ESRRG: variants seen among roughly 807,000 people sequenced by gnomAD.
ESRRG encodes the protein estrogen-related receptor gamma.
A neutral mutation model predicts 44.0 loss-of-function variants in ESRRG; 13 were observed. The ratio of observed to expected loss-of-function variants is 0.30; its 90% CI spans 0.19 to 0.47. The LOEUF is 0.47. ESRRG is among the 20% of genes least tolerant of loss of function. The pLI is 1.00. For missense variants in ESRRG, 395 were observed against 580.6 expected, an observed-to-expected ratio of 0.68 and a Z score of 3.29; for synonymous variants, 215 against 214.6, an observed-to-expected ratio of 1.00 and a Z score of -0.02.
At chr1:216,650,143 A>T (rs1487525713) in intron 3 of ESRRG, among the ~76,000 whole-genome samples, 1 of 152,154 alleles carries the variant, frequency 6.6e-6, no homozygotes, top group African/African-American at 2.4e-5. Context: ...GAATTTTCTG[A>T]AGAAAGGGAA....
At chr1:216,509,562 A>T (rs2042134728) in intron 6 of ESRRG, among the ~76,000 whole-genome samples, 1 of 152,100 alleles carries the variant, frequency 6.6e-6, no homozygotes, top group African/African-American at 2.4e-5. Context: ...CCAGCAGGAG[A>T]TATATTATAG....
chr1:216,771,078 G>T (rs1476923108), intron 2 of ESRRG, among the ~76,000 whole-genome samples: 1 of 152,038 alleles, frequency 6.6e-6, no homozygotes, highest in African/African-American at 2.4e-5. Context: ...GGGCTCAAGG[G>T]ATCCTCCTGC....
At chr1:217,011,623 G>T (rs2377357) in intron 1 of ESRRG, among the ~76,000 whole-genome samples, 7 of 36,554 alleles carry the variant, frequency 1.9e-4, no homozygotes, top group Non-Finnish European at 1.7e-4. Context: ...AACTAGCCTG[G>T]GATTGCTTTG....
intron 1 of ESRRG, among the ~76,000 whole-genome samples, chr1:216,692,359 C>T (rs2079218428): frequency 6.8e-6 from 1 of 146,154 alleles, no homozygotes; most frequent in South Asian, 2.2e-4. Flanking sequence ...TAGATTTTAA[C>T]AAAAGAGTTT....
chr1:216,575,390 A>T (rs574357856), intron 3 of ESRRG, among the ~76,000 whole-genome samples: 12 of 152,220 alleles, frequency 7.9e-5, no homozygotes, highest in African/African-American at 2.6e-4. Flanking sequence ...TCTTTAACTC[A>T]TCATACCTAC....
At chr1:216,964,747 G>GAA (rs141865798) in intron 1 of ESRRG, among the ~76,000 whole-genome samples, 26 of 147,714 alleles carry the variant, frequency 1.8e-4, no homozygotes, top group African/African-American at 4.7e-4. Flanking sequence ...AGAAGAGAAG[G>GAA]AAAAAAAAAA....
intron 2 of ESRRG, among the ~76,000 whole-genome samples, chr1:216,939,364 A>AAAAAAAAAAAAAAAAAAC (rs1553720877): frequency 2.6e-4 from 35 of 133,778 alleles, no homozygotes; most frequent in Middle Eastern, 3.9e-3. Context: ...AAAAAAAAAA[A>AAAAAAAAAAAAAAAAAAC]AAAAAACACT....
chr1:216,689,103 T>C (rs748527672), intron 1 of ESRRG, among the ~76,000 whole-genome samples: 24 of 152,168 alleles, frequency 1.6e-4, no homozygotes, highest in Non-Finnish European at 3.1e-4. Flanking sequence ...AACTATAAAA[T>C]TAGAAAGTGC....
chr1:217,073,248 T>G (rs2090837590), intron 1 of ESRRG, among the ~76,000 whole-genome samples: 1 of 147,366 alleles, frequency 6.8e-6, no homozygotes, highest in Non-Finnish European at 1.5e-5. Context: ...AAGAATGTAT[T>G]GCTTTCTACA....
chr1:217,034,477 G>T (rs1444678526), intron 1 of ESRRG, among the ~76,000 whole-genome samples: 1 of 152,106 alleles, frequency 6.6e-6, no homozygotes, highest in African/African-American at 2.4e-5. Context: ...GGATAGGCCC[G>T]GAGGATTTTC....
At chr1:216,851,246 C>T (rs2095838591) in intron 2 of ESRRG, among the ~76,000 whole-genome samples, 1 of 152,050 alleles carries the variant, frequency 6.6e-6, no homozygotes, top group Admixed American at 6.6e-5. Context: ...CCACTCATTA[C>T]TAAAAGCTGT....
intron 2 of ESRRG, among the ~76,000 whole-genome samples, chr1:216,653,446 G>A (rs1002035982): frequency 2.0e-5 from 3 of 152,108 alleles, no homozygotes; most frequent in Non-Finnish European, 4.4e-5. Context: ...TACAAACAGG[G>A]TCTTCTCCCA....
intron 2 of ESRRG, among the ~76,000 whole-genome samples, chr1:216,737,520 A>C (rs956543): frequency 0.69 from 104,357 of 151,954 alleles, 36,877 homozygotes; most frequent in East Asian, 0.83. Flanking sequence ...AGGAGTTTTG[A>C]AGGCTCCCAG....
intron 5 of ESRRG, among the ~76,000 whole-genome samples, chr1:216,535,944 C>T (rs1402709724): frequency 6.6e-6 from 1 of 152,072 alleles, no homozygotes; most frequent in South Asian, 2.1e-4. Flanking sequence ...TGCATCTCAG[C>T]TCTATCATAC....
chr1:216,913,308 G>C (rs2060722930), intron 2 of ESRRG, among the ~76,000 whole-genome samples: 1 of 151,834 alleles, frequency 6.6e-6, no homozygotes, highest in African/African-American at 2.4e-5. Flanking sequence ...GTATATGGGA[G>C]GATGTGCATA....
intron 2 of ESRRG, among the ~76,000 whole-genome samples, chr1:216,909,757 C>T (rs551747383): frequency 3.9e-5 from 6 of 152,086 alleles, no homozygotes; most frequent in African/African-American, 7.2e-5. Flanking sequence ...ATATTAGGCA[C>T]GTAGTAAATG....
chr1:217,075,592 C>CCCA (rs768560202), intron 1 of ESRRG, among the ~76,000 whole-genome samples: 2 of 147,506 alleles, frequency 1.4e-5, no homozygotes, highest in South Asian at 2.3e-4. Context: ...GCTCCTTTCC[C>CCCA]CCCCCCAACA....
chr1:216,604,036 C>T (rs555671690), intron 3 of ESRRG, among the ~76,000 whole-genome samples: 9 of 151,252 alleles, frequency 6.0e-5, no homozygotes, highest in South Asian at 4.2e-4. Flanking sequence ...GAAATGAGGG[C>T]GTGACATTAA....
At chr1:217,082,153 C>T (rs140008077) in intron 1 of ESRRG, among the ~76,000 whole-genome samples, 16 of 152,294 alleles carry the variant, frequency 1.1e-4, no homozygotes, top group African/African-American at 3.1e-4. Context: ...TGCTTCCTCC[C>T]TGAAGTAATA....
Sources: allele counts gnomAD v4.1 joint callset (sites outside exome capture counted in the v4.1 genomes callset), GRCh38; gene constraint gnomAD v4.1.1; transcripts MANE v1.5; gene names NCBI Gene and HGNC (gene_info 2026-07-23, HGNC 2026-07-21).